The following LDLRAD3 variants were observed in gnomAD, a reference collection of about 807,000 sequenced individuals.
The protein encoded by LDLRAD3 is low density lipoprotein receptor class A domain containing 3.
A neutral mutation model predicts 29.4 loss-of-function variants in LDLRAD3; 20 were observed. The observed-to-expected ratio is 0.68, with a 90% CI of 0.48 to 0.99. The LOEUF (loss-of-function observed/expected upper bound fraction) is 0.99, where lower values mean the gene tolerates loss of function less well. LDLRAD3 is among the 50% of genes least tolerant of loss of function. The pLI, the probability that LDLRAD3 is intolerant of heterozygous loss-of-function variation, is 0.00. For missense variants in LDLRAD3, 420 were observed against 454.3 expected (o/e 0.92, Z 0.69); for synonymous variants, 157 against 192.7 (o/e 0.81, Z 1.53).
At chr11:36,010,487 A>G (rs1851941723) in intron 1 of LDLRAD3, among the ~76,000 whole-genome samples, 1 of 152,058 alleles carries the variant, frequency 6.6e-6, no homozygotes, top group Non-Finnish European at 1.5e-5. Flanking sequence ...TTTCTTTCCC[A>G]TCTCTTTCTA....
intron 2 of LDLRAD3, among the ~76,000 whole-genome samples, chr11:36,045,612 A>C (rs1295634034): frequency 2.0e-5 from 3 of 152,030 alleles, no homozygotes; most frequent in African/African-American, 4.8e-5. Context: ...GAATTGTAAT[A>C]ACCCTCATGT....
intron 4 of LDLRAD3, among the ~76,000 whole-genome samples, chr11:36,124,401 A>G (rs1853805191): frequency 1.3e-5 from 2 of 152,146 alleles, no homozygotes; most frequent in Non-Finnish European, 2.9e-5. Flanking sequence ...ACAACCCTAT[A>G]AGGTAGGTAT....
chr11:36,106,677 G>C (rs1027558418), intron 4 of LDLRAD3, among the ~76,000 whole-genome samples: 2 of 152,080 alleles, frequency 1.3e-5, no homozygotes, highest in African/African-American at 4.8e-5. Context: ...ATAGTTCATC[G>C]AGGGAACTGT....
At chr11:36,039,691 C>G (rs1303861347) in intron 2 of LDLRAD3, among the ~76,000 whole-genome samples, 1 of 152,194 alleles carries the variant, frequency 6.6e-6, no homozygotes, top group Non-Finnish European at 1.5e-5. Context: ...TGGCCACATT[C>G]TATATTGAGG....
chr11:35,990,093 GTC>G (rs1851668714), intron 1 of LDLRAD3, among the ~76,000 whole-genome samples: 2 of 152,102 alleles, frequency 1.3e-5, no homozygotes, highest in Non-Finnish European at 2.9e-5. Flanking sequence ...ATTATGTTGA[GTC>G]TCAGTTTTTC....
intron 1 of LDLRAD3, among the ~76,000 whole-genome samples, chr11:36,028,056 C>G (rs1203368350): frequency 2.0e-5 from 3 of 152,212 alleles, no homozygotes; most frequent in Non-Finnish European, 4.4e-5. Flanking sequence ...CAAGCGCTTG[C>G]AAAAGTTCTT....
At chr11:36,208,174 T>C (rs7930005) in intron 4 of LDLRAD3, among the ~76,000 whole-genome samples, 29,328 of 152,122 alleles carry the variant, frequency 0.19, 3,139 homozygotes, top group Admixed American at 0.32. Flanking sequence ...GGAGGTGCAT[T>C]GAAAGGATGC....
chr11:36,127,649 G>T (rs759047024), intron 4 of LDLRAD3, among the ~76,000 whole-genome samples: 2 of 152,140 alleles, frequency 1.3e-5, no homozygotes, highest in Non-Finnish European at 2.9e-5. Context: ...TATAATGTTA[G>T]TTAACCTGAG....
chr11:36,199,466 T>A (rs1855085263), intron 4 of LDLRAD3, among the ~76,000 whole-genome samples: 1 of 152,186 alleles, frequency 6.6e-6, no homozygotes. Flanking sequence ...ATCTACTCAA[T>A]ACAAGTTGAT....
At chr11:36,075,657 C>T (rs902848270) in intron 2 of LDLRAD3, among the ~76,000 whole-genome samples, 4 of 152,174 alleles carry the variant, frequency 2.6e-5, no homozygotes, top group African/African-American at 7.2e-5. Flanking sequence ...GTGTCTGCTT[C>T]GTGGTGACTT....
At chr11:36,204,856 C>T (rs1419827700) in intron 4 of LDLRAD3, among the ~76,000 whole-genome samples, 1 of 152,286 alleles carries the variant, frequency 6.6e-6, no homozygotes, top group Non-Finnish European at 1.5e-5. Context: ...CCTAAGCTAT[C>T]ATTTCAGTAT....
chr11:36,125,682 G>A (rs1019405479), intron 4 of LDLRAD3, among the ~76,000 whole-genome samples: 5 of 152,116 alleles, frequency 3.3e-5, no homozygotes, highest in African/African-American at 1.2e-4. Context: ...TCCACTACTC[G>A]GCACCCAACT....
At chr11:36,146,004 AAAAAAAG>A (rs1341309592) in intron 4 of LDLRAD3, among the ~76,000 whole-genome samples, 10 of 149,050 alleles carry the variant, frequency 6.7e-5, no homozygotes, top group Non-Finnish European at 1.3e-4. Flanking sequence ...ATGATCAATA[AAAAAAAG>A]AAAAAAAAAA....
At chr11:36,181,044 G>A (rs11604998) in intron 4 of LDLRAD3, among the ~76,000 whole-genome samples, 13,813 of 152,060 alleles carry the variant, frequency 0.091, 674 homozygotes, top group East Asian at 0.19. Flanking sequence ...GTGTGGCCTT[G>A]GGTAGCTGAT....
At chr11:35,998,803 C>T (rs975179673) in intron 1 of LDLRAD3, among the ~76,000 whole-genome samples, 5 of 152,206 alleles carry the variant, frequency 3.3e-5, no homozygotes, top group Admixed American at 6.5e-5. Context: ...CCATCTAAGT[C>T]AGGCCCTATT....
chr11:36,149,011 A>G (rs1290945645), intron 4 of LDLRAD3, among the ~76,000 whole-genome samples: 1 of 152,208 alleles, frequency 6.6e-6, no homozygotes, highest in African/African-American at 2.4e-5. Context: ...ACGTATGATG[A>G]ACCAGGCCCC....
chr11:36,227,258 C>T lies in LDLRAD3; in HGVS notation c.628C>T (p.Arg210Trp), dbSNP rs141012443. ...RNNLMTLPVH[R>W]LQHPVLLSRL... ...CAACCTCATGACGCTGCCCGTGCAC[C>T]GGCTGCAGCACCCTGTGCTGCTGTC... The change falls in exon 5 of 6, where the codon CGG becomes TGG. Residue 210 changes from arginine (R) to tryptophan (W), a missense_variant. By Grantham distance (101) the Arg-to-Trp change is moderately radical. Coordinates refer to ENST00000315571, the MANE Select transcript of LDLRAD3 (RefSeq NM_174902.4). 5.0e-6 allele frequency: 8 copies of T among 1,613,974 alleles called. No homozygotes were observed. The highest frequency in any genetic ancestry group is 2.2e-5 in the East Asian group (1 of 44,894).
At chr11:36,022,493 G>A (rs1852110627) in intron 1 of LDLRAD3, among the ~76,000 whole-genome samples, 1 of 151,962 alleles carries the variant, frequency 6.6e-6, no homozygotes, top group South Asian at 2.1e-4. Flanking sequence ...AATGTTTCCA[G>A]GTCTGTGACT....
intron 4 of LDLRAD3, among the ~76,000 whole-genome samples, chr11:36,153,586 A>G (rs1854306186): frequency 1.3e-5 from 2 of 152,078 alleles, no homozygotes; most frequent in African/African-American, 4.8e-5. Context: ...ATAAAGGTAG[A>G]CCCTGTTACC....
Sources: allele counts gnomAD v4.1 joint callset (sites outside exome capture counted in the v4.1 genomes callset), GRCh38; gene constraint gnomAD v4.1.1; transcripts MANE v1.5; gene names NCBI Gene and HGNC (gene_info 2026-07-23, HGNC 2026-07-21).